Variants in CSNK1A1 observed in about 807,000 individuals in gnomAD.
The protein encoded by CSNK1A1 is casein kinase I isoform alpha.
A neutral mutation model predicts 46.1 loss-of-function variants in CSNK1A1; 7 were observed. That is an observed-to-expected ratio of 0.15 (90% CI 0.09 to 0.29). The LOEUF (loss-of-function observed/expected upper bound fraction) is 0.29, where lower values mean the gene tolerates loss of function less well. CSNK1A1 is among the 10% of genes least tolerant of loss of function. The pLI is 1.00. For missense variants in CSNK1A1, 96 were observed against 417.1 expected, an observed-to-expected ratio of 0.23 and a Z score of 6.71; for synonymous variants, 137 against 141.5, an observed-to-expected ratio of 0.97 and a Z score of 0.23.
rs1353321555 is a variant in CSNK1A1 at position 149,493,262 on chromosome 5, G to A, written c.*3591C>T. On this transcript the variant is annotated 3_prime_UTR_variant, in exon 10 of 10. Transcript: ENST00000377843. ...ATTTTTGTATTTTTAGTAGAGACAG[G>A]GTTTCACTATGTTGGCCAGGCTGGT... is the stretch of plus-strand genomic sequence containing the variant. 6.6e-6 allele frequency: 1 copy of A among 152,006 alleles called. No individual in the cohort carries two copies. Among genetic ancestry groups the A allele is most frequent in the African/African-American group, 2.4e-5 (1 of 41,380 alleles). The allele number at this position is 152,006 out of a possible 1,614,324, so 9.4% of individuals were successfully genotyped here. A position where few individuals can be genotyped will look rare whatever the true frequency, so the allele number is the denominator to read the frequency against.
At chr5:149,524,844 A>G (rs1761680131) in intron 3 of CSNK1A1, among the ~76,000 whole-genome samples, 1 of 152,254 alleles carries the variant, frequency 6.6e-6, no homozygotes, top group Non-Finnish European at 1.5e-5. Flanking sequence ...ACTAGTCTAC[A>G]GATGAGTAAG....
In CSNK1A1 at chr5:149,550,230, T is replaced by C. The variant is rs1298342935; in HGVS notation, c.124-49A>G. On this transcript the variant is annotated intron_variant, in intron 1 of 9. Coordinates refer to ENST00000377843, the MANE Select transcript of CSNK1A1 (RefSeq NM_001892.6). The surrounding 1 kb of genome is among the most constrained non-coding windows in gnomAD (Gnocchi z 4.3). ...GGCATCAACATCCCTACGGATTCAA[T>C]GTCACTTAGGAAAGGAGGGAGACAT... The C allele has an allele frequency of 1.2e-6, 2 of 1,600,414 alleles. No homozygotes were observed. The highest frequency in any genetic ancestry group is 1.7e-6 in the Non-Finnish European group (2 of 1,173,154).
intron 2 of CSNK1A1, among the ~76,000 whole-genome samples, chr5:149,534,914 A>G (rs1365354147): frequency 6.6e-6 from 1 of 151,694 alleles, no homozygotes; most frequent in Admixed American, 6.6e-5. Flanking sequence ...CCCAAAAAAA[A>G]AAAAAAAAAA....
chr5:149,508,414 T>A (rs1761105270), intron 7 of CSNK1A1, among the ~76,000 whole-genome samples: 1 of 152,116 alleles, frequency 6.6e-6, no homozygotes, highest in Admixed American at 6.5e-5. Flanking sequence ...CTATTTTAAC[T>A]CTCACTGATT....
At chr5:149,501,514 CTG>C (rs1241823972) in intron 9 of CSNK1A1, 1 of 985,304 alleles carries the variant, frequency 1.0e-6, no homozygotes, top group Non-Finnish European at 1.2e-6. Flanking sequence ...TCAAGGAAGA[CTG>C]TGGACATGGT....
rs535230815 is a variant in CSNK1A1 at position 149,504,800 on chromosome 5, A to T, written c.1006+647T>A. On this transcript the variant is annotated intron_variant, in intron 9 of 9. Transcript: ENST00000377843. ...AAGAAATCGTTTTGAAATTAAGATC[A>T]TACGTAAACTGCAAATAAAAGAATT... The T allele has an allele frequency of 5.1e-6, 5 of 985,476 alleles. No homozygotes were observed. The South Asian group carries it at 1.4e-4, about 28-fold the overall frequency. The allele number at this position is 985,476 out of a possible 1,614,324, so 61.0% of individuals were successfully genotyped here.
chr5:149,523,545 G>C (rs1480782259), intron 3 of CSNK1A1, among the ~76,000 whole-genome samples: 1 of 152,180 alleles, frequency 6.6e-6, no homozygotes, highest in East Asian at 1.9e-4. Context: ...AGTTTGTTTT[G>C]TGCCACAAAT....
Position 149,549,216 on chromosome 5 carries a change from C to A in CSNK1A1, c.230+859G>T, listed in dbSNP as rs545944724. On this transcript the variant is annotated intron_variant, in intron 2 of 9. Coordinates refer to ENST00000377843, the MANE Select transcript of CSNK1A1 (RefSeq NM_001892.6). ...TAAGTGATTAAGATTTTTTTAAATA[C>A]AACTGATATGAGTAAATTTTAACAT... 5 of 445,980 alleles carry A rather than the reference C, an allele frequency of 1.1e-5. No individual in the cohort carries two copies. In the East Asian group the frequency reaches 1.6e-4, roughly 15 times the overall value. 27.6% of individuals were successfully genotyped at this position (445,980 alleles called of 1,614,324 possible). A position where few individuals can be genotyped will look rare whatever the true frequency, so the allele number is the denominator to read the frequency against.
Position 149,511,824 on chromosome 5 carries a change from A to G in CSNK1A1, c.645T>C (p.Asn215=). 1 of 1,610,724 alleles carries G rather than the reference A, an allele frequency of 6.2e-7. No individual in the cohort carries two copies. The highest frequency in any genetic ancestry group is 8.5e-7 in the Non-Finnish European group (1 of 1,178,568). ...GCCCTTGCCATGGCAGGCTGGTTCT[A>G]TTAAAATACATCAAAACATATCCTA... ...ESLGYVLMYF[N]RTSLPWQGLK... Residue 215 remains asparagine, a synonymous_variant, in exon 6 of 10, where the codon AAT becomes AAC. Transcript: ENST00000377843.
chr5:149,529,062 A>C (rs1326342904), intron 2 of CSNK1A1, among the ~76,000 whole-genome samples: 3 of 152,194 alleles, frequency 2.0e-5, no homozygotes, highest in Non-Finnish European at 4.4e-5. Context: ...TATGAGACTA[A>C]AAAAAGTATT....
chr5:149,550,857 G>A lies in CSNK1A1; in HGVS notation c.108C>T (p.Asn36=), dbSNP rs746761027. 2 of 1,614,070 alleles carry A rather than the reference G, an allele frequency of 1.2e-6. No individual in the cohort carries two copies. Among genetic ancestry groups the A allele is most frequent in the Non-Finnish European group, 1.7e-6 (2 of 1,179,954 alleles). The change falls in exon 1 of 10, where the codon AAC becomes AAT. Residue 36 remains asparagine (N), a synonymous_variant. Coordinates refer to ENST00000377843, the MANE Select transcript of CSNK1A1 (RefSeq NM_001892.6). The surrounding 1 kb of genome is among the most constrained non-coding windows in gnomAD (Gnocchi z 4.3). ...AGATGATTACCTCGCCGTTGGTGAT[G>A]TTGATCGCCAAATAGATGTCCCCGA... ...GSFGDIYLAI[N]ITNGEEVAVK...
chr5:149,551,086 G>A lies in CSNK1A1; in HGVS notation c.-122C>T, dbSNP rs1439708007. On this transcript the variant is annotated 5_prime_UTR_variant, in exon 1 of 10. Coordinates refer to ENST00000377843, the MANE Select transcript of CSNK1A1 (RefSeq NM_001892.6). ...AGGGCGGCAGGAAACGGAACACGGA[G>A]GCCTTTACCGGGGTTCGGGGCCCAG... is the stretch of plus-strand genomic sequence containing the variant. 1.9e-6 allele frequency: 2 copies of A among 1,068,740 alleles called. No individual in the cohort carries two copies. The highest frequency in any genetic ancestry group is 2.7e-6 in the Non-Finnish European group (2 of 735,426). The allele number at this position is 1,068,740 out of a possible 1,614,324, so 66.2% of individuals were successfully genotyped here. A position where few individuals can be genotyped will look rare whatever the true frequency, so the allele number is the denominator to read the frequency against.
chr5:149,537,083 A>G (rs1762080487), intron 2 of CSNK1A1, among the ~76,000 whole-genome samples: 1 of 152,240 alleles, frequency 6.6e-6, no homozygotes, highest in African/African-American at 2.4e-5. Context: ...TATTACAAAA[A>G]GCAGTCGCCT....
At chr5:149,498,597 C>T in intron 9 of CSNK1A1, 2 of 974,154 alleles carry the variant, frequency 2.1e-6, no homozygotes, top group Non-Finnish European at 2.4e-6. Context: ...AGAAATTAAA[C>T]AGATTAAACA....
chr5:149,546,352 T>C (rs528125844), intron 2 of CSNK1A1, among the ~76,000 whole-genome samples: 1 of 151,850 alleles, frequency 6.6e-6, no homozygotes, highest in South Asian at 2.1e-4. Context: ...AAGAAAATCC[T>C]GGCTGGGTGC....
At chr5:149,519,624 C>T (rs1319605638) in intron 4 of CSNK1A1, among the ~76,000 whole-genome samples, 2 of 152,168 alleles carry the variant, frequency 1.3e-5, no homozygotes, top group Non-Finnish European at 2.9e-5. Flanking sequence ...CTCTCAGAGA[C>T]CCCAAATGAA....
chr5:149,506,853 T>C (rs1480611440), intron 8 of CSNK1A1, among the ~76,000 whole-genome samples, 174 bp downstream of exon 8: 2 of 152,226 alleles, frequency 1.3e-5, no homozygotes, highest in Non-Finnish European at 2.9e-5. Context: ...ATCACCTATT[T>C]ACACTACAAA....
At chr5:149,498,680 C>T (rs1041075773) in intron 9 of CSNK1A1, 12 of 985,218 alleles carry the variant, frequency 1.2e-5, no homozygotes, top group Non-Finnish European at 1.3e-5. Context: ...ATTTAAAAAA[C>T]GTATTTTCAC....
rs937048492 is a variant in CSNK1A1 at position 149,530,738 on chromosome 5, C to T, written c.231-5567G>A. ...ATCCCAGCACTCTGGGAAGCCGAGG[C>T]GGGCGGATCATGAGGCCAGGAGTTC... On this transcript the variant is annotated intron_variant, in intron 2 of 9. Transcript: ENST00000377843. 6.6e-5 allele frequency among the ~76,000 whole-genome samples: 10 copies of T among 151,826 alleles called. 1 individual carries two copies. The highest frequency in any genetic ancestry group is 4.6e-4 in the Admixed American group (7 of 15,274).
Sources: allele counts gnomAD v4.1 joint callset (sites outside exome capture counted in the v4.1 genomes callset), GRCh38; gene constraint gnomAD v4.1.1; non-coding constraint Gnocchi (gnomAD v3.1); transcripts MANE v1.5; gene names NCBI Gene and HGNC (gene_info 2026-07-23, HGNC 2026-07-21).